Variants in SLC45A4 observed in about 807,000 individuals in gnomAD.
SLC45A4 encodes the protein polyamine-transporter SLC45A4.
Under a neutral mutation model 63.7 loss-of-function variants are expected in SLC45A4, and 32 were observed. The ratio of observed to expected loss-of-function variants is 0.50; its 90% confidence interval spans 0.38 to 0.67. The LOEUF (loss-of-function observed/expected upper bound fraction) is 0.67. Among genes scored for constraint, SLC45A4 ranks in the 30% least tolerant of loss-of-function variants. The pLI, the probability that SLC45A4 is intolerant of heterozygous loss-of-function variation, is 0.00. For synonymous variants in SLC45A4, 535 were observed against 510.0 expected (o/e 1.05, Z -0.66); for missense variants, 1,027 against 1,157.7 (o/e 0.89, Z 1.64).
At chr8:141,263,102 A>C (rs1829103381) in intron 1 of SLC45A4, among the ~76,000 whole-genome samples, 1 of 151,778 alleles carries the variant, frequency 6.6e-6, no homozygotes, top group African/African-American at 2.4e-5. Flanking sequence ...TTCTCAGTAA[A>C]CTATCGCAAG....
chr8:141,275,667 T>C (rs1829702719), intron 1 of SLC45A4, among the ~76,000 whole-genome samples: 1 of 151,552 alleles, frequency 6.6e-6, no homozygotes, highest in South Asian at 2.1e-4. Flanking sequence ...ATTACACCAC[T>C]AAGAAACCTT....
At chr8:141,217,946 T>G (rs2154614031) in intron 5 of SLC45A4, 65 bp downstream of exon 5, 8 of 1,505,360 alleles carry the variant, frequency 5.3e-6, no homozygotes, top group Non-Finnish European at 7.1e-6. Context: ...GCCCAGCCCG[T>G]GAGCTTCTCC....
chr8:141,242,132 C>G (rs1181032248), intron 2 of SLC45A4, among the ~76,000 whole-genome samples: 1 of 152,162 alleles, frequency 6.6e-6, no homozygotes, highest in African/African-American at 2.4e-5. Flanking sequence ...GCACATTTAG[C>G]CGAGATCACA....
intron 1 of SLC45A4, among the ~76,000 whole-genome samples, chr8:141,279,647 G>A (rs1410997270): frequency 1.3e-5 from 2 of 152,026 alleles, no homozygotes; most frequent in Admixed American, 6.5e-5. Flanking sequence ...GGTGCATCGC[G>A]CACCCCTCCC....
chr8:141,249,107 G>C (rs952207625), intron 2 of SLC45A4, among the ~76,000 whole-genome samples: 3 of 151,892 alleles, frequency 2.0e-5, no homozygotes, highest in African/African-American at 7.3e-5. Flanking sequence ...GAAAAGGACT[G>C]ACAACACTAA....
At chr8:141,236,627 T>C (rs537196602) in intron 2 of SLC45A4, among the ~76,000 whole-genome samples, 54 of 152,348 alleles carry the variant, frequency 3.5e-4, no homozygotes, top group Non-Finnish European at 7.2e-4. Context: ...AAAATGACCA[T>C]CATCTGGGAA....
chr8:141,250,729 C>T (rs936972693), intron 2 of SLC45A4, among the ~76,000 whole-genome samples: 1 of 152,152 alleles, frequency 6.6e-6, no homozygotes, highest in African/African-American at 2.4e-5. Flanking sequence ...TGGACTATGA[C>T]GTGCGGTGCG....
intron 2 of SLC45A4, among the ~76,000 whole-genome samples, chr8:141,235,243 C>G (rs529181988): frequency 6.6e-6 from 1 of 152,238 alleles, no homozygotes; most frequent in Non-Finnish European, 1.5e-5. Flanking sequence ...AATGCCACCC[C>G]CCTTCTTCAT....
intron 1 of SLC45A4, among the ~76,000 whole-genome samples, chr8:141,305,378 C>A (rs994056862): frequency 3.3e-5 from 5 of 152,234 alleles, no homozygotes; most frequent in Non-Finnish European, 5.9e-5. Flanking sequence ...CTGGTCAAAT[C>A]TGTTTCCTGG....
chr8:141,228,105 G>A, intron 2 of SLC45A4: 1 of 1,589,506 alleles, frequency 6.3e-7, no homozygotes. Context: ...GTGCCCGAGA[G>A]GCTGTGGCTC....
chr8:141,302,493 T>C (rs1377036246), intron 1 of SLC45A4, among the ~76,000 whole-genome samples: 1 of 149,316 alleles, frequency 6.7e-6, no homozygotes. Flanking sequence ...ACCACCACAC[T>C]TGGCTAATTT....
intron 2 of SLC45A4, among the ~76,000 whole-genome samples, chr8:141,228,781 C>T (rs7386967): frequency 0.37 from 56,797 of 152,034 alleles, 11,025 homozygotes; most frequent in Admixed American, 0.5. Context: ...TTCCAGAAGC[C>T]AACAGCTACC....
chr8:141,279,452 A>C (rs958480578), intron 1 of SLC45A4, among the ~76,000 whole-genome samples: 1 of 152,200 alleles, frequency 6.6e-6, no homozygotes, highest in African/African-American at 2.4e-5. Context: ...CTCTACCCCC[A>C]TTCTTACGTC....
chr8:141,208,932 C>T lies in SLC45A4; in HGVS notation c.*2640G>A, dbSNP rs868441807. ...CCTAGTTTGGTAACTGGTCTGCGCACATTACACAAGACTCGACCAACCGAC... is the reference window on the plus strand; with the variant it reads ...CCTAGTTTGGTAACTGGTCTGCGCATATTACACAAGACTCGACCAACCGAC... On this transcript the variant is annotated 3_prime_UTR_variant, in exon 9 of 9. Transcript: ENST00000517878. The T allele has an allele frequency of 4.6e-5, 7 of 152,528 alleles. No homozygotes were observed. The highest frequency in any genetic ancestry group is 1.0e-4 in the Non-Finnish European group (7 of 68,252). 9.4% of individuals were successfully genotyped at this position (152,528 alleles called of 1,614,324 possible).
chr8:141,263,898 G>A (rs894141036), intron 1 of SLC45A4, among the ~76,000 whole-genome samples: 2 of 152,138 alleles, frequency 1.3e-5, no homozygotes, highest in Admixed American at 6.5e-5. Flanking sequence ...CTAGAGGGTG[G>A]AACTGCAGGG....
At chr8:141,287,229 A>T (rs1437065115) in intron 1 of SLC45A4, among the ~76,000 whole-genome samples, 1 of 152,082 alleles carries the variant, frequency 6.6e-6, no homozygotes, top group Non-Finnish European at 1.5e-5. Flanking sequence ...CAGACTATAA[A>T]CTCAGCACAG....
chr8:141,272,665 A>AC (rs913990147), intron 1 of SLC45A4, among the ~76,000 whole-genome samples: 2 of 150,934 alleles, frequency 1.3e-5, no homozygotes, highest in Non-Finnish European at 3.0e-5. Flanking sequence ...TTAGGCCCTC[A>AC]CCCCCCCTAC....
rs185476418 is a variant in SLC45A4 at position 141,235,065 on chromosome 8, C to T, written c.242-13300G>A. Among the ~76,000 whole-genome samples, 758 of 152,320 alleles carry T rather than the reference C, an allele frequency of 5.0e-3. 10 individuals are homozygous for T. The highest frequency in any genetic ancestry group is 0.014 in the Middle Eastern group (4 of 294). ...AGCACTGGGTTTGTTGCTTCATCTCCGAGTGAAGGTGCAGGTGACCACGCT... is the reference window on the plus strand; with the variant it reads ...AGCACTGGGTTTGTTGCTTCATCTCTGAGTGAAGGTGCAGGTGACCACGCT... On this transcript the variant is annotated intron_variant, in intron 2 of 8. Transcript: ENST00000517878.
chr8:141,288,660 G>C (rs1223049448), intron 1 of SLC45A4, among the ~76,000 whole-genome samples: 1 of 152,258 alleles, frequency 6.6e-6, no homozygotes, highest in Non-Finnish European at 1.5e-5. Flanking sequence ...GGCAGCCAGG[G>C]CCCAGCAAGC....
Sources: allele counts gnomAD v4.1 joint callset (sites outside exome capture counted in the v4.1 genomes callset), GRCh38; gene constraint gnomAD v4.1.1; transcripts MANE v1.5; gene names NCBI Gene and HGNC (gene_info 2026-07-23, HGNC 2026-07-21).